CARMIL1: variants seen among roughly 807,000 people sequenced by gnomAD.
CARMIL1 encodes the protein F-actin-uncapping protein LRRC16A.
A neutral mutation model predicts 177.1 loss-of-function variants in CARMIL1; 90 were observed. The ratio of observed to expected loss-of-function variants is 0.51; its 90% CI spans 0.43 to 0.61. The LOEUF (loss-of-function observed/expected upper bound fraction) is 0.61. Ranked by LOEUF, CARMIL1 falls within the 20% of genes least tolerant of loss-of-function variation. CARMIL1 has a pLI of 0.00. For missense variants in CARMIL1, 1,380 were observed against 1,667.0 expected, an observed-to-expected ratio of 0.83 and a Z score of 3.00; for synonymous variants, 577 against 606.2, an observed-to-expected ratio of 0.95 and a Z score of 0.71.
At chr6:25,553,015 G>A (rs1246865725) in intron 27 of CARMIL1, among the ~76,000 whole-genome samples, 1 of 152,066 alleles carries the variant, frequency 6.6e-6, no homozygotes, top group Non-Finnish European at 1.5e-5. Flanking sequence ...GAAATTAAAT[G>A]TATTTTTTTA....
At chr6:25,485,704 G>A (rs1802573829) in intron 12 of CARMIL1, among the ~76,000 whole-genome samples, 1 of 152,128 alleles carries the variant, frequency 6.6e-6, no homozygotes, top group South Asian at 2.1e-4. Flanking sequence ...CAAAGTGCTG[G>A]GATTACAGGC....
intron 20 of CARMIL1, among the ~76,000 whole-genome samples, chr6:25,513,733 C>T (rs1805681909): frequency 6.6e-6 from 1 of 152,174 alleles, no homozygotes; most frequent in Middle Eastern, 3.4e-3. Context: ...TCGTGTAGAC[C>T]ACCCAGGCAC....
At chr6:25,507,439 T>C (rs980847375) in intron 17 of CARMIL1, 3 of 152,646 alleles carry the variant, frequency 2.0e-5, no homozygotes, top group Admixed American at 6.5e-5. Context: ...TGCATACTGC[T>C]GATAATGGTT....
At chr6:25,320,305 C>T (rs928467809) in intron 2 of CARMIL1, among the ~76,000 whole-genome samples, 1 of 152,154 alleles carries the variant, frequency 6.6e-6, no homozygotes, top group Admixed American at 6.5e-5. Context: ...AAGACCTAGA[C>T]TTGTAGAGGA....
Position 25,279,775 on chromosome 6 carries a change from C to T in CARMIL1, c.-21C>T, listed in dbSNP as rs931475987. 2 of 1,613,674 alleles carry T rather than the reference C, an allele frequency of 1.2e-6. No homozygotes were observed. The highest frequency in any genetic ancestry group is 1.1e-5 in the South Asian group (1 of 91,072). ...AAATCAGAGTTGGACCTGCAATAAC[C>T]CCCACACCTACAGGGCAACCATGAC... is the stretch of plus-strand genomic sequence containing the variant. On this transcript the variant is annotated 5_prime_UTR_variant, in exon 1 of 37. Transcript: ENST00000329474.
intron 4 of CARMIL1, among the ~76,000 whole-genome samples, chr6:25,430,618 A>G (rs1263214159): frequency 6.6e-6 from 1 of 151,774 alleles, no homozygotes; most frequent in African/African-American, 2.4e-5. Flanking sequence ...TTTCCTAGAG[A>G]CAGGGTTTCT....
intron 2 of CARMIL1, among the ~76,000 whole-genome samples, chr6:25,373,592 T>C (rs1236215548): frequency 2.2e-5 from 3 of 135,088 alleles, no homozygotes; most frequent in Non-Finnish European, 5.0e-5. Flanking sequence ...TCTCTCTCTT[T>C]TTTTTTTTTT....
intron 8 of CARMIL1, among the ~76,000 whole-genome samples, chr6:25,463,845 C>T (rs1325357676): frequency 1.4e-4 from 10 of 71,894 alleles, no homozygotes; most frequent in Non-Finnish European, 2.2e-4. Context: ...TTTTTTGAGA[C>T]GGAGTCTCGC....
chr6:25,471,741 A>G (rs1044962590), intron 10 of CARMIL1, among the ~76,000 whole-genome samples: 1 of 152,182 alleles, frequency 6.6e-6, no homozygotes, highest in African/African-American at 2.4e-5. Flanking sequence ...ATTTCATATG[A>G]CTTTACTGCT....
At chr6:25,338,829 T>C (rs1248454526) in intron 2 of CARMIL1, among the ~76,000 whole-genome samples, 2 of 152,236 alleles carry the variant, frequency 1.3e-5, no homozygotes, top group Non-Finnish European at 2.9e-5. Flanking sequence ...GTTGTGCTAT[T>C]TTTGTACTTT....
At chr6:25,470,243 T>C (rs556134095) in intron 9 of CARMIL1, among the ~76,000 whole-genome samples, 4 of 152,358 alleles carry the variant, frequency 2.6e-5, no homozygotes, top group African/African-American at 9.6e-5. Context: ...CAAGTACTTA[T>C]TTAGCCTTCC....
intron 6 of CARMIL1, 118 bp from the exon 7 acceptor site, chr6:25,450,221 C>T: frequency 1.3e-6 from 1 of 789,234 alleles, no homozygotes; most frequent in South Asian, 1.6e-5. Flanking sequence ...GCTGTTTTCC[C>T]CCCTAAAAAG....
chr6:25,525,141 C>G (rs212940), intron 23 of CARMIL1, among the ~76,000 whole-genome samples: 30,360 of 151,974 alleles, frequency 0.2, 3,340 homozygotes, highest in Middle Eastern at 0.28. Flanking sequence ...CAGAGACCAC[C>G]AAGCAGGATA....
intron 2 of CARMIL1, among the ~76,000 whole-genome samples, chr6:25,337,556 G>A (rs1235280736): frequency 2.0e-5 from 3 of 152,172 alleles, no homozygotes; most frequent in Non-Finnish European, 2.9e-5. Context: ...GAACAGATCC[G>A]TGTCCATAAT....
In CARMIL1 at chr6:25,619,600, A is replaced by G. The variant is rs562098147; in HGVS notation, c.*17A>G. ...TTTGTGTAAAGGTCACCCACGCAGAAGTCTTCCTGTGCAGGGTGCTTTGGT... is the reference window on the plus strand; with the variant it reads ...TTTGTGTAAAGGTCACCCACGCAGAGGTCTTCCTGTGCAGGGTGCTTTGGT... On this transcript the variant is annotated 3_prime_UTR_variant, in exon 37 of 37. Coordinates refer to ENST00000329474, the MANE Select transcript of CARMIL1 (RefSeq NM_017640.6). 22 of 1,611,736 alleles carry G rather than the reference A, an allele frequency of 1.4e-5. No individual in the cohort carries two copies. The South Asian group carries it at 2.4e-4, about 18-fold the overall frequency.
At chr6:25,516,134 T>C (rs1055561502) in intron 21 of CARMIL1, among the ~76,000 whole-genome samples, 19 of 152,086 alleles carry the variant, frequency 1.2e-4, no homozygotes, top group African/African-American at 4.3e-4. Context: ...AGCTGACCAA[T>C]GTGGGGGTAA....
rs112116487 is a variant in CARMIL1, at chr6:25,474,542, G to A, written c.874+2021G>A. Among the ~76,000 whole-genome samples the A allele has an allele frequency of 4.5e-3, 679 of 152,280 alleles. 7 individuals carry two copies. The highest frequency in any genetic ancestry group is 0.015 in the African/African-American group (641 of 41,568). On this transcript the variant is annotated intron_variant, in intron 11 of 36. Transcript: ENST00000329474. ...TTGTATTCAAGCAAAAATCTCCAGC[G>A]TAACTTGTCATCATCTAAAGTAGTG...
At chr6:25,494,215 T>A (rs1297381835) in intron 15 of CARMIL1, among the ~76,000 whole-genome samples, 1 of 152,060 alleles carries the variant, frequency 6.6e-6, no homozygotes, top group Non-Finnish European at 1.5e-5. Flanking sequence ...GTGGTTGAGC[T>A]AAACCACTAG....
chr6:25,607,215 T>G (rs369883224), intron 35 of CARMIL1, among the ~76,000 whole-genome samples: 2,217 of 71,688 alleles, frequency 0.031, 33 homozygotes, highest in African/African-American at 0.089. Context: ...ACACATTAGG[T>G]TTTTTTTTTT....
Sources: allele counts gnomAD v4.1 joint callset (sites outside exome capture counted in the v4.1 genomes callset), GRCh38; gene constraint gnomAD v4.1.1; transcripts MANE v1.5; gene names NCBI Gene and HGNC (gene_info 2026-07-23, HGNC 2026-07-21).